Variants in PARD3 observed in about 807,000 individuals in gnomAD.
PARD3 encodes the protein par-3 family cell polarity regulator, also known as partitioning defective 3 homolog.
A neutral mutation model predicts 155.4 loss-of-function variants in PARD3; 75 were observed. The ratio of observed to expected loss-of-function variants is 0.48; its 90% CI spans 0.40 to 0.58. The LOEUF (loss-of-function observed/expected upper bound fraction) is 0.58, where lower values mean the gene tolerates loss of function less well. PARD3 is among the 20% of genes least tolerant of loss of function. The pLI is 0.00. For synonymous variants in PARD3, 576 were observed against 610.5 expected (o/e 0.94, Z 0.83); for missense variants, 1,642 against 1,721.7 (o/e 0.95, Z 0.82).
At chr10:34,623,015 A>G (rs528003252) in intron 2 of PARD3, among the ~76,000 whole-genome samples, 8 of 152,094 alleles carry the variant, frequency 5.3e-5, no homozygotes, top group Non-Finnish European at 8.8e-5. Flanking sequence ...GCCATGTATA[A>G]GAGCTGTAAG....
intron 2 of PARD3, among the ~76,000 whole-genome samples, chr10:34,549,362 T>C (rs2084356295): frequency 6.6e-6 from 1 of 152,260 alleles, no homozygotes; most frequent in Non-Finnish European, 1.5e-5. Flanking sequence ...ATTAAAAATA[T>C]GTAAAAACAT....
intron 2 of PARD3, among the ~76,000 whole-genome samples, chr10:34,683,884 C>A (rs992613166): frequency 6.6e-6 from 1 of 152,170 alleles, no homozygotes; most frequent in Non-Finnish European, 1.5e-5. Context: ...CAAACCAGTA[C>A]CCACAAAACA....
At chr10:34,199,239 G>T (rs1033807576) in intron 22 of PARD3, among the ~76,000 whole-genome samples, 4 of 152,128 alleles carry the variant, frequency 2.6e-5, no homozygotes, top group Non-Finnish European at 5.9e-5. Context: ...CCCCAGCTTT[G>T]GGAGATAGAT....
At chr10:34,766,312 G>A (rs1301882427) in intron 1 of PARD3, among the ~76,000 whole-genome samples, 46 of 152,178 alleles carry the variant, frequency 3.0e-4, no homozygotes, top group Admixed American at 3.0e-3. Flanking sequence ...GTGGGTATTT[G>A]CCAAGGGAAA....
At chr10:34,619,763 A>G (rs2091514099) in intron 2 of PARD3, among the ~76,000 whole-genome samples, 1 of 152,186 alleles carries the variant, frequency 6.6e-6, no homozygotes, top group Non-Finnish European at 1.5e-5. Flanking sequence ...AATGTCCTCT[A>G]CAATATTTCT....
At chr10:34,351,291 C>A (rs1004823287) in intron 14 of PARD3, among the ~76,000 whole-genome samples, 1 of 152,034 alleles carries the variant, frequency 6.6e-6, no homozygotes. Context: ...CAATGCCTAG[C>A]GTAGAGCAGG....
intron 1 of PARD3, among the ~76,000 whole-genome samples, chr10:34,699,598 A>G (rs1306613731): frequency 2.0e-5 from 3 of 152,228 alleles, no homozygotes; most frequent in Admixed American, 6.5e-5. Context: ...GTTTGCATTA[A>G]AAAGTTTAAA....
rs779207892 is a variant in PARD3 at position 34,119,592 on chromosome 10, C to CT, written c.3668+20dup. 3.8e-6 allele frequency: 6 copies of CT among 1,579,836 alleles called. No individual in the cohort carries two copies. In the South Asian group the frequency reaches 6.7e-5, roughly 18 times the overall value. Reference sequence around the variant, plus strand: ...TTAAAGGGCCGGGGGGATCTGGAGGCTCGGCCAAGCGTCCTCATACCGAGG... The same window carrying CT: ...TTAAAGGGCCGGGGGGATCTGGAGGCTTCGGCCAAGCGTCCTCATACCGAGG... On this transcript the variant is annotated intron_variant, in intron 24 of 24. Transcript: ENST00000374788.
At chr10:34,565,207 C>T (rs967131995) in intron 2 of PARD3, among the ~76,000 whole-genome samples, 1 of 143,608 alleles carries the variant, frequency 7.0e-6, no homozygotes, top group African/African-American at 2.6e-5. Flanking sequence ...GACAGTTCTT[C>T]GTCTGGTCAC....
intron 1 of PARD3, among the ~76,000 whole-genome samples, chr10:34,699,203 G>A (rs2133513095): frequency 6.6e-6 from 1 of 152,216 alleles, no homozygotes; most frequent in Middle Eastern, 3.4e-3. Flanking sequence ...ATCATGCCAA[G>A]GCAAATATCA....
chr10:34,484,506 C>T (rs917944932), intron 3 of PARD3, among the ~76,000 whole-genome samples: 1 of 152,174 alleles, frequency 6.6e-6, no homozygotes, highest in Non-Finnish European at 1.5e-5. Flanking sequence ...GAGTACTCAA[C>T]TAACATAGTT....
chr10:34,606,155 AATGT>A (rs1564407700), intron 2 of PARD3, among the ~76,000 whole-genome samples: 1 of 106,674 alleles, frequency 9.4e-6, no homozygotes, highest in African/African-American at 3.4e-5. Flanking sequence ...TATAAAGGGA[AATGT>A]GTGTGTGTGT....
chr10:34,377,993 G>A lies in PARD3; in HGVS notation c.1513C>T (p.Leu505Phe), dbSNP rs1421798379. Reference sequence around the variant, plus strand: ...TCTATAAGTCTGTCTCCTGCCTTAAGTCGGCCATCCTGAATGGCCGCCCCC... The same window carrying A: ...TCTATAAGTCTGTCTCCTGCCTTAAATCGGCCATCCTGAATGGCCGCCCCC... ...PRGAAIQDGRLKAGDRLIEVN... is the reference protein window; with the variant it reads ...PRGAAIQDGRFKAGDRLIEVN... The change falls in exon 10 of 25, where the codon CTT becomes TTT. Residue 505 changes from leucine to phenylalanine, a missense_variant. This residue lies in a region of PARD3 where 1,529 missense variants were observed against 1,587.3 expected (regional missense o/e 0.96). Coordinates refer to ENST00000374788, the MANE Select transcript of PARD3 (RefSeq NM_001184785.2). 1 of 1,585,176 alleles carries A rather than the reference G, an allele frequency of 6.3e-7. No homozygotes were observed. The highest frequency in any genetic ancestry group is 8.6e-7 in the Non-Finnish European group (1 of 1,169,446).
At chr10:34,268,314 C>A (rs958426597) in intron 22 of PARD3, among the ~76,000 whole-genome samples, 3 of 151,802 alleles carry the variant, frequency 2.0e-5, no homozygotes, top group Admixed American at 1.3e-4. Flanking sequence ...AATAGGAACA[C>A]TTTTACACTG....
intron 1 of PARD3, among the ~76,000 whole-genome samples, chr10:34,796,837 TAGCC>T (rs1002075149): frequency 1.3e-5 from 2 of 151,952 alleles, no homozygotes; most frequent in African/African-American, 4.8e-5. Context: ...ATACAAAAAT[TAGCC>T]AGGCATGGTG....
intron 22 of PARD3, among the ~76,000 whole-genome samples, chr10:34,258,175 C>T (rs1376371919): frequency 6.6e-6 from 1 of 152,096 alleles, no homozygotes; most frequent in East Asian, 1.9e-4. Context: ...GACAATAAGC[C>T]ACAGAATTAT....
chr10:34,621,964 G>A (rs916850052), intron 2 of PARD3, among the ~76,000 whole-genome samples: 1 of 152,156 alleles, frequency 6.6e-6, no homozygotes, highest in Non-Finnish European at 1.5e-5. Flanking sequence ...CAATCAATAC[G>A]TGACTATCAA....
chr10:34,727,555 G>C (rs777925064), intron 1 of PARD3, among the ~76,000 whole-genome samples: 2 of 116,272 alleles, frequency 1.7e-5, no homozygotes, highest in South Asian at 7.0e-4. Flanking sequence ...ACAGCAATGA[G>C]AGATTGCTAT....
intron 1 of PARD3, among the ~76,000 whole-genome samples, chr10:34,768,429 G>A (rs576690280): frequency 2.0e-5 from 2 of 101,006 alleles, no homozygotes; most frequent in East Asian, 9.3e-4. Context: ...ACTGGAAGTT[G>A]GGAAGGGGCT....
Sources: gnomAD v4.1 joint callset for allele counts (sites outside exome capture counted in the v4.1 genomes callset) on GRCh38, gnomAD v4.1.1 for gene constraint, gnomAD v4.1.1 regional missense constraint, MANE v1.5 for transcripts, NCBI Gene and HGNC (gene_info 2026-07-23, HGNC 2026-07-21) for gene names.